The following GAP43 variants were observed in gnomAD, a reference collection of about 807,000 sequenced individuals.
The protein encoded by GAP43 is neuromodulin.
GAP43 carries 6 observed loss-of-function variants against 18.6 expected under a neutral mutation model. The ratio of observed to expected loss-of-function variants is 0.32; its 90% CI spans 0.18 to 0.64. GAP43 has a LOEUF of 0.64. GAP43 is among the 30% of genes least tolerant of loss of function. The probability of loss-of-function intolerance (pLI) is 0.78; values close to 1 mark genes in which losing one functional copy is unlikely to be tolerated. For synonymous variants in GAP43, 115 were observed against 111.4 expected (o/e 1.03, Z -0.20); for missense variants, 292 against 295.5 (o/e 0.99, Z 0.09).
chr3:115,703,005 C>A (rs1385208631), intron 2 of GAP43, among the ~76,000 whole-genome samples: 2 of 151,952 alleles, frequency 1.3e-5, no homozygotes, highest in Non-Finnish European at 2.9e-5. Flanking sequence ...TTTAAGAAAG[C>A]AAAAGGCTAA....
intron 2 of GAP43, among the ~76,000 whole-genome samples, chr3:115,710,863 G>T (rs962897410): frequency 1.3e-5 from 2 of 151,656 alleles, no homozygotes; most frequent in Non-Finnish European, 2.9e-5. Context: ...CTTCTTTTCC[G>T]TTTTTATGTT....
chr3:115,635,977 T>G (rs886797194), intron 1 of GAP43, among the ~76,000 whole-genome samples: 1 of 152,080 alleles, frequency 6.6e-6, no homozygotes, highest in Non-Finnish European at 1.5e-5. Context: ...ACTGATTGGT[T>G]TGTGTACATA....
chr3:115,720,570 T>C (rs1390219742), intron 2 of GAP43, among the ~76,000 whole-genome samples: 2 of 152,178 alleles, frequency 1.3e-5, no homozygotes, highest in African/African-American at 4.8e-5. Flanking sequence ...CTCACATACC[T>C]TTGCTCCTGA....
chr3:115,717,800 T>C (rs1709529544), intron 2 of GAP43, among the ~76,000 whole-genome samples: 1 of 152,084 alleles, frequency 6.6e-6, no homozygotes, highest in Admixed American at 6.6e-5. Flanking sequence ...AGAAAATGAA[T>C]ATATATTGAG....
chr3:115,624,040 G>C (rs953411245), intron 1 of GAP43, among the ~76,000 whole-genome samples: 1 of 151,994 alleles, frequency 6.6e-6, no homozygotes, highest in Non-Finnish European at 1.5e-5. Context: ...AAAGGGGTGT[G>C]GGGGAGATGA....
intron 2 of GAP43, among the ~76,000 whole-genome samples, chr3:115,685,891 A>G (rs1313305195): frequency 6.6e-6 from 1 of 152,180 alleles, no homozygotes; most frequent in Non-Finnish European, 1.5e-5. Context: ...CCCCTATTGG[A>G]AGATATGTTA....
chr3:115,670,938 A>C (rs1015712529), intron 1 of GAP43, among the ~76,000 whole-genome samples: 2 of 152,250 alleles, frequency 1.3e-5, no homozygotes, highest in African/African-American at 4.8e-5. Context: ...ATATGTGTAC[A>C]TCAATGATTT....
intron 2 of GAP43, among the ~76,000 whole-genome samples, chr3:115,718,274 A>G (rs900926229): frequency 2.6e-5 from 4 of 152,212 alleles, no homozygotes; most frequent in African/African-American, 9.6e-5. Flanking sequence ...TGGAACTGAT[A>G]AGGATGGTAA....
intron 2 of GAP43, among the ~76,000 whole-genome samples, chr3:115,678,872 G>A (rs147145641): frequency 9.0e-4 from 136 of 150,560 alleles, no homozygotes; most frequent in Middle Eastern, 3.4e-3. Context: ...GCTGCCTGTC[G>A]TTTCTTTCTG....
chr3:115,637,138 T>A (rs940313022), intron 1 of GAP43, among the ~76,000 whole-genome samples: 1 of 152,084 alleles, frequency 6.6e-6, no homozygotes, highest in Non-Finnish European at 1.5e-5. Context: ...TGACCTGTTT[T>A]GCCTCTTAGA....
chr3:115,642,484 T>C (rs1473339686), intron 1 of GAP43, among the ~76,000 whole-genome samples: 1 of 151,970 alleles, frequency 6.6e-6, no homozygotes, highest in Non-Finnish European at 1.5e-5. Context: ...TGTGTGTCGA[T>C]TTAAAAGTCT....
rs957542183 is a variant in GAP43 at position 115,690,746 on chromosome 3, T to C, written c.628+14136T>C. ...CCTCTGGGCAAATCTTTTTTTTTTT[T>C]TTCTTTCTTTCTTTTTTTTTTTTTT... is the stretch of plus-strand genomic sequence containing the variant. On this transcript the variant is annotated intron_variant, in intron 2 of 2. Coordinates refer to ENST00000305124, the MANE Select transcript of GAP43 (RefSeq NM_002045.4). 4.0e-5 allele frequency among the ~76,000 whole-genome samples: 6 copies of C among 148,280 alleles called. No homozygotes were observed. In the East Asian group the frequency reaches 1.2e-3, roughly 29 times the overall value.
intron 2 of GAP43, among the ~76,000 whole-genome samples, chr3:115,705,700 T>G (rs1709353539): frequency 6.6e-6 from 1 of 152,090 alleles, no homozygotes; most frequent in South Asian, 2.1e-4. Context: ...TATGAAAAAC[T>G]GAGAAGGAAA....
chr3:115,662,858 C>T (rs1394318370), intron 1 of GAP43, among the ~76,000 whole-genome samples: 1 of 152,192 alleles, frequency 6.6e-6, no homozygotes, highest in Non-Finnish European at 1.5e-5. Context: ...TAGACAATAT[C>T]TCCCTATTTT....
chr3:115,712,058 C>T (rs893367323), intron 2 of GAP43, among the ~76,000 whole-genome samples: 1 of 152,096 alleles, frequency 6.6e-6, no homozygotes, highest in Non-Finnish European at 1.5e-5. Context: ...ATTTGATAGA[C>T]ATTTTTTATA....
chr3:115,682,002 A>G (rs1708963050), intron 2 of GAP43, among the ~76,000 whole-genome samples: 1 of 152,168 alleles, frequency 6.6e-6, no homozygotes, highest in African/African-American at 2.4e-5. Context: ...GACCCCAACA[A>G]TGTGTTATAA....
chr3:115,692,033 T>C (rs1363480549), intron 2 of GAP43, among the ~76,000 whole-genome samples: 5 of 152,082 alleles, frequency 3.3e-5, no homozygotes, highest in Admixed American at 3.3e-4. Context: ...TTCAGGAGGG[T>C]TCTTTCATCT....
At chr3:115,698,143 ATATAT>A (rs1709234936) in intron 2 of GAP43, among the ~76,000 whole-genome samples, 14 of 9,340 alleles carry the variant, frequency 1.5e-3, no homozygotes, top group Admixed American at 3.0e-3. Flanking sequence ...TATATATAAT[ATATAT>A]TATATATAAT....
intron 2 of GAP43, among the ~76,000 whole-genome samples, chr3:115,711,164 T>G (rs1213541144): frequency 6.6e-6 from 1 of 152,204 alleles, no homozygotes; most frequent in East Asian, 1.9e-4. Context: ...CCTCCAAGCT[T>G]TAGATTTCTG....
Sources: allele counts gnomAD v4.1 joint callset (sites outside exome capture counted in the v4.1 genomes callset), GRCh38; gene constraint gnomAD v4.1.1; transcripts MANE v1.5; gene names NCBI Gene and HGNC (gene_info 2026-07-23, HGNC 2026-07-21).